TEX11: variants seen among roughly 807,000 people sequenced by gnomAD.
TEX11 encodes the protein testis expressed 11.
TEX11 carries 7 observed loss-of-function variants against 84.4 expected under a neutral mutation model. The ratio of observed to expected loss-of-function variants is 0.08; its 90% CI spans 0.05 to 0.16. The LOEUF (loss-of-function observed/expected upper bound fraction) is 0.16, where lower values mean the gene tolerates loss of function less well. Among genes scored for constraint, TEX11 ranks in the 10% least tolerant of loss-of-function variants. The probability of loss-of-function intolerance (pLI) is 1.00; values close to 1 mark genes in which losing one functional copy is unlikely to be tolerated. For synonymous variants in TEX11, 264 were observed against 222.8 expected (o/e 1.18, Z -1.64); for missense variants, 551 against 660.5 (o/e 0.83, Z 1.82).
At chrX:70,520,685 G>C in the TEX11 span, among the ~76,000 whole-genome samples, 1 of 112,270 alleles carries the variant, frequency 8.9e-6, no homozygotes, top group Non-Finnish European at 1.9e-5. Context: ...ATGTCAGAGA[G>C]TTTAAGTCTG....
intron 13 of TEX11, among the ~76,000 whole-genome samples, chrX:70,701,412 A>T (rs1297574023): frequency 1.8e-5 from 2 of 112,158 alleles, no homozygotes; most frequent in Non-Finnish European, 3.8e-5. Flanking sequence ...AGCCTGGATG[A>T]TAGCACATCT....
rs1306514947 is a variant in TEX11, at chrX:70,591,776, G to A, written c.2115C>T (p.Asp705=). The change falls in exon 25 of 30, where the codon GAC becomes GAT. Residue 705 remains aspartate (D), a synonymous_variant. Transcript: ENST00000374333. ...CTGTTTGTTTCAGGAAATTATGGAT[G>A]TCATTGCATGTCTGGATCTCCTCAA... ...RALEEIQTCN[D]IHNFLKQTGT... 3 of 1,209,201 alleles carry A rather than the reference G, an allele frequency of 2.5e-6. No individual in the cohort carries two copies. The highest frequency in any genetic ancestry group is 3.4e-6 in the Non-Finnish European group (3 of 893,690).
intron 11 of TEX11, among the ~76,000 whole-genome samples, chrX:70,727,780 G>T (rs1005452394): frequency 2.7e-5 from 3 of 110,370 alleles, no homozygotes; most frequent in Admixed American, 1.9e-4. Flanking sequence ...CTCTTTCTCT[G>T]CCAAATGAAG....
intron 9 of TEX11, among the ~76,000 whole-genome samples, chrX:70,798,451 C>T (rs912358788): frequency 8.9e-6 from 1 of 111,897 alleles, no homozygotes; most frequent in African/African-American, 3.2e-5. Context: ...TCCCTGTCAA[C>T]ATGACAATGG....
intron 16 of TEX11, among the ~76,000 whole-genome samples, chrX:70,660,225 A>G (rs1041358074): frequency 8.9e-6 from 1 of 111,796 alleles, no homozygotes; most frequent in Admixed American, 9.5e-5. Context: ...GGCCTAGGAT[A>G]TTACTGTATA....
intron 2 of TEX11, among the ~76,000 whole-genome samples, chrX:70,882,794 AT>A (rs1386231322): frequency 9.0e-6 from 1 of 111,087 alleles, no homozygotes; most frequent in Admixed American, 9.6e-5. Flanking sequence ...AAAAAAAAAA[AT>A]CCTAAGATGT....
chrX:70,673,227 C>T (rs1229032350), intron 15 of TEX11: 1 of 111,697 alleles, frequency 9.0e-6, no homozygotes, highest in Admixed American at 9.5e-5. Flanking sequence ...TCAAAGGATC[C>T]TTCTGCTTCA....
chrX:70,894,462 C>T (rs2091756300), intron 2 of TEX11, among the ~76,000 whole-genome samples: 1 of 110,214 alleles, frequency 9.1e-6, no homozygotes, highest in Non-Finnish European at 1.9e-5. Flanking sequence ...CCCGTCTCTA[C>T]TAAGAATACA....
At chrX:70,601,531 ATTCT>A (rs1242694941) in intron 24 of TEX11, among the ~76,000 whole-genome samples, 11 of 38,011 alleles carry the variant, frequency 2.9e-4, no homozygotes, top group Non-Finnish European at 5.1e-4. Context: ...GGCCAGCATC[ATTCT>A]TTTTTTTTTT....
chrX:70,741,835 C>T (rs1569425924), intron 10 of TEX11, among the ~76,000 whole-genome samples: 1 of 111,136 alleles, frequency 9.0e-6, no homozygotes, highest in African/African-American at 3.3e-5. Context: ...ACTACTCTAG[C>T]TAATCTTGAT....
chrX:70,557,718 T>C (rs1421259024), intron 25 of TEX11, among the ~76,000 whole-genome samples: 1 of 111,511 alleles, frequency 9.0e-6, no homozygotes, highest in Non-Finnish European at 1.9e-5. Context: ...GCATCCCAGC[T>C]CAGTTATTTT....
intron 20 of TEX11, among the ~76,000 whole-genome samples, chrX:70,622,006 A>T (rs1253093312): frequency 1.8e-5 from 2 of 111,445 alleles, no homozygotes; most frequent in Non-Finnish European, 3.8e-5. Context: ...AAGATTTAGC[A>T]TATGAGTTGT....
chrX:70,758,784 G>T (rs993030403), intron 9 of TEX11, among the ~76,000 whole-genome samples: 2 of 111,749 alleles, frequency 1.8e-5, no homozygotes, highest in Admixed American at 1.9e-4. Flanking sequence ...AGAACTGAAG[G>T]AAACAGAGAC....
At chrX:70,831,002 T>C (rs2091374122) in intron 8 of TEX11, among the ~76,000 whole-genome samples, 1 of 112,042 alleles carries the variant, frequency 8.9e-6, no homozygotes, top group Admixed American at 9.6e-5. Flanking sequence ...AAGAGATATC[T>C]GCAATCCCTT....
intron 9 of TEX11, among the ~76,000 whole-genome samples, chrX:70,802,007 C>A (rs777279429): frequency 5.9e-4 from 66 of 111,624 alleles, no homozygotes; most frequent in South Asian, 1.5e-3. Flanking sequence ...AAACAACTAA[C>A]ATACAAGACC....
At chrX:70,529,709 T>C (rs1603026206) in intron 29 of TEX11, 126 bp downstream of exon 29, 1 of 693,218 alleles carries the variant, frequency 1.4e-6, no homozygotes, top group Non-Finnish European at 2.1e-6. Flanking sequence ...GTGGAACCAT[T>C]GAGAGGAACA....
intron 9 of TEX11, among the ~76,000 whole-genome samples, chrX:70,757,233 A>T (rs960523747): frequency 9.0e-6 from 1 of 111,699 alleles, no homozygotes; most frequent in Admixed American, 9.5e-5. Flanking sequence ...CAACCTAGCA[A>T]GGCAGGTCAA....
intron 9 of TEX11, among the ~76,000 whole-genome samples, chrX:70,790,145 AGAT>A (rs1324298013): frequency 2.7e-5 from 3 of 112,298 alleles, no homozygotes; most frequent in African/African-American, 9.7e-5. Flanking sequence ...GAGAATGTAG[AGAT>A]GATGATTAAA....
At chrX:70,558,469 T>C (rs976225935) in intron 25 of TEX11, among the ~76,000 whole-genome samples, 6 of 111,853 alleles carry the variant, frequency 5.4e-5, no homozygotes, top group Non-Finnish European at 1.1e-4. Context: ...ATAAAACTCA[T>C]GGAAGAAAAC....
Sources: gnomAD v4.1 joint callset for allele counts (sites outside exome capture counted in the v4.1 genomes callset) on GRCh38, gnomAD v4.1.1 for gene constraint, MANE v1.5 for transcripts, NCBI Gene and HGNC (gene_info 2026-07-23, HGNC 2026-07-21) for gene names.